The following CCDC178 variants were observed in gnomAD, a reference collection of about 807,000 sequenced individuals.
CCDC178 encodes coiled-coil domain containing 178.
A neutral mutation model predicts 117.4 loss-of-function variants in CCDC178; 126 were observed. The ratio of observed to expected loss-of-function variants is 1.07; its 90% CI spans 0.93 to 1.24. CCDC178 has a LOEUF of 1.24. Among genes scored for constraint, CCDC178 ranks in the 50% most tolerant of loss-of-function variants. The probability of loss-of-function intolerance (pLI) is 0.00; values close to 1 mark genes in which losing one functional copy is unlikely to be tolerated. For missense variants in CCDC178, 1,030 were observed against 986.9 expected (o/e 1.04, Z -0.59); for synonymous variants, 283 against 313.4 (o/e 0.90, Z 1.02).
intron 11 of CCDC178, among the ~76,000 whole-genome samples, chr18:33,300,684 G>T (rs946769674): frequency 6.6e-6 from 1 of 152,226 alleles, no homozygotes; most frequent in Non-Finnish European, 1.5e-5. Context: ...ATCTGTGGAA[G>T]TTTGAACTTA....
At chr18:33,245,543 G>C in intron 14 of CCDC178, 115 bp from the exon 15 acceptor site, 1 of 1,114,122 alleles carries the variant, frequency 9.0e-7, no homozygotes, top group South Asian at 2.6e-5. Context: ...CAAAATTGCT[G>C]GATAATTAGC....
rs199786200 is a variant in CCDC178 at position 33,409,689 on chromosome 18, C to CT, written c.58+2341dup. Among the ~76,000 whole-genome samples the CT allele has an allele frequency of 4.0e-4, 61 of 152,184 alleles. No individual in the cohort carries two copies. The East Asian group carries it at 8.5e-3, about 21-fold the overall frequency. ...TGGCTTAAACACAGAAATTTCAATG[C>CT]TTTTCTGGATTAGCTGTATGTTGTT... On this transcript the variant is annotated intron_variant, in intron 3 of 22. Coordinates refer to ENST00000383096, the MANE Select transcript of CCDC178 (RefSeq NM_001105528.4).
At chr18:33,234,504 A>C (rs1159343740) in intron 15 of CCDC178, among the ~76,000 whole-genome samples, 2 of 152,180 alleles carry the variant, frequency 1.3e-5, no homozygotes, top group African/African-American at 2.4e-5. Context: ...AACGTTCAGC[A>C]TAAATAACTG....
At chr18:32,999,733 C>T (rs1260217949) in intron 21 of CCDC178, among the ~76,000 whole-genome samples, 1 of 152,090 alleles carries the variant, frequency 6.6e-6, no homozygotes. Context: ...TTATCCAAGA[C>T]CATCAAGGTG....
chr18:33,020,036 C>T (rs2056079326), intron 21 of CCDC178, among the ~76,000 whole-genome samples: 1 of 150,744 alleles, frequency 6.6e-6, no homozygotes, highest in Admixed American at 6.6e-5. Context: ...ACCTCTGCCT[C>T]CCGTGTTCAA....
intron 22 of CCDC178, among the ~76,000 whole-genome samples, chr18:32,971,329 C>T (rs1393639561): frequency 1.3e-5 from 2 of 152,118 alleles, no homozygotes; most frequent in Non-Finnish European, 1.5e-5. Context: ...CAGCTTCATC[C>T]ATGTCCCTGC....
At chr18:33,262,388 T>C (rs962370945) in intron 14 of CCDC178, among the ~76,000 whole-genome samples, 2 of 151,730 alleles carry the variant, frequency 1.3e-5, no homozygotes, top group South Asian at 2.1e-4. Context: ...TTCCTTTTTT[T>C]CATCTACACA....
chr18:33,230,847 G>A lies in CCDC178; in HGVS notation c.1594-3992C>T, dbSNP rs2059360514. Among the ~76,000 whole-genome samples, 3 of 152,308 alleles carry A rather than the reference G, an allele frequency of 2.0e-5. 1 individual carries two copies. In the South Asian group the frequency reaches 6.2e-4, roughly 32 times the overall value. On this transcript the variant is annotated intron_variant, in intron 15 of 22. Coordinates refer to ENST00000383096, the MANE Select transcript of CCDC178 (RefSeq NM_001105528.4). ...TATAAATACCTGAAAAAGCACTGAAGGAAGACTGCCTTCTCCAGAAACGTG... is the reference window on the plus strand; with the variant it reads ...TATAAATACCTGAAAAAGCACTGAAAGAAGACTGCCTTCTCCAGAAACGTG...
At chr18:33,046,863 A>C (rs989835388) in intron 21 of CCDC178, among the ~76,000 whole-genome samples, 1 of 152,198 alleles carries the variant, frequency 6.6e-6, no homozygotes, top group Admixed American at 6.5e-5. Context: ...GGTAATTTAA[A>C]CTTTTATTCT....
intron 12 of CCDC178, among the ~76,000 whole-genome samples, chr18:33,280,931 C>T (rs915438769): frequency 6.6e-6 from 1 of 152,018 alleles, no homozygotes; most frequent in African/African-American, 2.4e-5. Flanking sequence ...GGAAGGGGAA[C>T]ATCACACTCT....
chr18:33,080,963 A>G (rs1452565415), intron 21 of CCDC178, among the ~76,000 whole-genome samples: 1 of 152,140 alleles, frequency 6.6e-6, no homozygotes, highest in East Asian at 1.9e-4. Context: ...AAAGTAAAAA[A>G]CTAAAGAGAT....
chr18:33,257,424 C>T (rs1374905118), intron 14 of CCDC178, among the ~76,000 whole-genome samples: 2 of 152,004 alleles, frequency 1.3e-5, no homozygotes, highest in Admixed American at 6.6e-5. Context: ...TGGCCCATGA[C>T]CTATTATTTG....
chr18:33,370,672 C>T (rs1054633615), intron 5 of CCDC178, among the ~76,000 whole-genome samples: 1 of 151,840 alleles, frequency 6.6e-6, no homozygotes, highest in Non-Finnish European at 1.5e-5. Flanking sequence ...GTTTCTCTTG[C>T]TGAAAAAAAT....
chr18:32,991,228 T>A (rs2055383561), intron 21 of CCDC178, among the ~76,000 whole-genome samples: 1 of 152,210 alleles, frequency 6.6e-6, no homozygotes, highest in Non-Finnish European at 1.5e-5. Context: ...TGACTTCATA[T>A]CCTATCCTTT....
intron 6 of CCDC178, among the ~76,000 whole-genome samples, chr18:33,358,624 A>T (rs900144545): frequency 1.8e-4 from 28 of 152,074 alleles, no homozygotes; most frequent in Non-Finnish European, 2.4e-4. Context: ...TATGCAAAAA[A>T]GAAATCAATT....
chr18:33,176,665 A>G (rs1241869577), intron 20 of CCDC178, among the ~76,000 whole-genome samples: 1 of 151,922 alleles, frequency 6.6e-6, no homozygotes, highest in African/African-American at 2.4e-5. Flanking sequence ...TTTCCTTCCT[A>G]TCCTCCTTAG....
rs561842943 is a variant in CCDC178, at chr18:33,319,756, T to C, written c.1022+3735A>G. Among the ~76,000 whole-genome samples the C allele has an allele frequency of 5.9e-5, 9 of 152,368 alleles. No individual in the cohort carries two copies. The East Asian group carries it at 1.2e-3, about 20-fold the overall frequency. ...CTAACTGGTGTGAGATGGTATCTCA[T>C]TGTGGTTTTGATTTGCATTTCTCTG... is the stretch of plus-strand genomic sequence containing the variant. On this transcript the variant is annotated intron_variant, in intron 11 of 22. Coordinates refer to ENST00000383096, the MANE Select transcript of CCDC178 (RefSeq NM_001105528.4).
chr18:33,182,871 G>A (rs142844554), intron 20 of CCDC178, among the ~76,000 whole-genome samples: 85 of 151,928 alleles, frequency 5.6e-4, no homozygotes, highest in African/African-American at 1.7e-3. Flanking sequence ...CAATGTGACC[G>A]TTTGGTTTAA....
At chr18:33,304,300 C>T (rs2062219651) in intron 11 of CCDC178, among the ~76,000 whole-genome samples, 1 of 152,144 alleles carries the variant, frequency 6.6e-6, no homozygotes, top group Admixed American at 6.6e-5. Flanking sequence ...TTGTTGGCAG[C>T]AATTCTCAAG....
Sources: allele counts gnomAD v4.1 joint callset (sites outside exome capture counted in the v4.1 genomes callset), GRCh38; gene constraint gnomAD v4.1.1; transcripts MANE v1.5; gene names NCBI Gene and HGNC (gene_info 2026-07-23, HGNC 2026-07-21).